Variants in SYT1 observed in about 807,000 individuals in gnomAD.
The protein encoded by SYT1 is synaptotagmin-1.
In SYT1, 8 loss-of-function variants were observed where a neutral mutation model predicts 44.8. That is an observed-to-expected ratio of 0.18 (90% confidence interval 0.10 to 0.32). The LOEUF (loss-of-function observed/expected upper bound fraction) is 0.32, where lower values mean the gene tolerates loss of function less well. Among genes scored for constraint, SYT1 ranks in the 10% least tolerant of loss-of-function variants. The probability of loss-of-function intolerance (pLI) is 1.00; values close to 1 mark genes in which losing one functional copy is unlikely to be tolerated. For missense variants in SYT1, 286 were observed against 509.3 expected (o/e 0.56, Z 4.22); for synonymous variants, 154 against 188.8 (o/e 0.82, Z 1.51).
At chr12:79,286,516 A>G (rs959708373) in intron 5 of SYT1, among the ~76,000 whole-genome samples, 4 of 152,180 alleles carry the variant, frequency 2.6e-5, no homozygotes, top group African/African-American at 9.7e-5. Flanking sequence ...AAAGAACACG[A>G]CAGGATAGAA....
At chr12:79,370,322 G>A (rs887550413) in intron 9 of SYT1, among the ~76,000 whole-genome samples, 2 of 152,138 alleles carry the variant, frequency 1.3e-5, no homozygotes, top group African/African-American at 4.8e-5. Context: ...GGACATAACT[G>A]TCTGAAAAAT....
rs1190089628 is a variant in SYT1, at chr12:79,319,321, CACA to C, written c.810+19777_810+19779del. Among the ~76,000 whole-genome samples the C allele has an allele frequency of 9.2e-5, 14 of 152,228 alleles. No individual in the cohort carries two copies. The East Asian group carries it at 1.5e-3, about 17-fold the overall frequency. On this transcript the variant is annotated intron_variant, in intron 8 of 10. Transcript: ENST00000261205. Reference sequence around the variant, plus strand: ...GTGCTCAGTGTGTAACTCATTTACTCACAACAACACTGTGGGGTAGGCGCCATT... The same window carrying C: ...GTGCTCAGTGTGTAACTCATTTACTCACAACACTGTGGGGTAGGCGCCATT...
chr12:79,117,709 AT>A lies in SYT1; in HGVS notation c.-18+70348del, dbSNP rs1565813887. On this transcript the variant is annotated intron_variant, in intron 3 of 10. Coordinates refer to ENST00000261205, the MANE Select transcript of SYT1 (RefSeq NM_005639.3). ...TATATATATATATATATATATATAT[AT>A]ATATAAAATAAATAGGTTGCATACA... 6.0e-3 allele frequency among the ~76,000 whole-genome samples: 653 copies of A among 109,248 alleles called. 10 individuals are homozygous for A. The highest frequency in any genetic ancestry group is 9.7e-3 in the Non-Finnish European group (515 of 53,270). 71.7% of individuals were successfully genotyped at this position (109,248 alleles called of 152,430 possible).
intron 1 of SYT1, among the ~76,000 whole-genome samples, chr12:78,911,944 T>C (rs1876358411): frequency 6.6e-6 from 1 of 152,024 alleles, no homozygotes; most frequent in Non-Finnish European, 1.5e-5. Context: ...TAAAAATTTG[T>C]ATTAATAGAA....
chr12:79,265,227 T>A (rs1878059607), intron 4 of SYT1, among the ~76,000 whole-genome samples: 1 of 152,166 alleles, frequency 6.6e-6, no homozygotes, highest in South Asian at 2.1e-4. Context: ...TTTATGCTTA[T>A]CTCTTCTCTC....
intron 1 of SYT1, among the ~76,000 whole-genome samples, chr12:78,894,299 G>T (rs1201584013): frequency 1.1e-5 from 1 of 94,716 alleles, no homozygotes; most frequent in African/African-American, 4.1e-5. Flanking sequence ...AATTTTACTC[G>T]GTCTTAATTT....
chr12:78,972,068 A>G (rs539764900), intron 1 of SYT1, among the ~76,000 whole-genome samples: 1 of 152,254 alleles, frequency 6.6e-6, no homozygotes, highest in South Asian at 2.1e-4. Flanking sequence ...TACAATTTGT[A>G]ATCATTTAAT....
chr12:79,274,153 A>G (rs1246980430), intron 4 of SYT1, among the ~76,000 whole-genome samples: 1 of 152,206 alleles, frequency 6.6e-6, no homozygotes, highest in Non-Finnish European at 1.5e-5. Context: ...GTGGGGATGA[A>G]CCCCGAAGGC....
intron 4 of SYT1, among the ~76,000 whole-genome samples, chr12:79,232,553 G>A (rs1875931917): frequency 6.6e-6 from 1 of 152,096 alleles, no homozygotes; most frequent in Non-Finnish European, 1.5e-5. Context: ...CTTCTAGTTA[G>A]CCTTCAGAAC....
chr12:79,439,342 C>T (rs946546142), intron 9 of SYT1, among the ~76,000 whole-genome samples: 4 of 152,196 alleles, frequency 2.6e-5, no homozygotes, highest in Non-Finnish European at 5.9e-5. Context: ...TCTCACGCTG[C>T]GAGACCACCT....
intron 5 of SYT1, 139 bp from the exon 6 acceptor site, chr12:79,291,869 T>C: frequency 1.9e-6 from 2 of 1,051,512 alleles, no homozygotes; most frequent in Non-Finnish European, 2.9e-6. Flanking sequence ...GCAGCAAATG[T>C]GAATGTGTGT....
chr12:79,161,209 C>T (rs1340768661), intron 3 of SYT1, among the ~76,000 whole-genome samples: 3 of 152,106 alleles, frequency 2.0e-5, no homozygotes, highest in African/African-American at 4.8e-5. Context: ...CACTGCAATC[C>T]AGCCTGGGCA....
intron 8 of SYT1, among the ~76,000 whole-genome samples, chr12:79,343,280 A>G (rs1262091481): frequency 6.6e-6 from 1 of 152,240 alleles, no homozygotes; most frequent in Non-Finnish European, 1.5e-5. Flanking sequence ...AATTTCTTCA[A>G]GAAATTTGGC....
chr12:78,893,596 C>T (rs746153823), intron 1 of SYT1, among the ~76,000 whole-genome samples: 1 of 151,528 alleles, frequency 6.6e-6, no homozygotes, highest in African/African-American at 2.4e-5. Context: ...GTCAAGTCTT[C>T]TATTTGAATA....
intron 2 of SYT1, among the ~76,000 whole-genome samples, chr12:79,001,208 T>C (rs1249947914): frequency 1.3e-5 from 2 of 151,942 alleles, no homozygotes. Context: ...TTTAATGGAC[T>C]AAAATGATGA....
intron 3 of SYT1, among the ~76,000 whole-genome samples, chr12:79,060,304 T>A (rs564576526): frequency 6.6e-5 from 10 of 152,112 alleles, no homozygotes; most frequent in African/African-American, 2.4e-4. Flanking sequence ...GCCATTTTTT[T>A]AATTGTGGTA....
chr12:79,073,630 T>C (rs925425774), intron 3 of SYT1, among the ~76,000 whole-genome samples: 5 of 152,066 alleles, frequency 3.3e-5, no homozygotes, highest in Non-Finnish European at 7.4e-5. Flanking sequence ...AGAAGAATGG[T>C]AGGTCTCTCC....
intron 9 of SYT1, among the ~76,000 whole-genome samples, chr12:79,388,207 G>C (rs1405881429): frequency 1.3e-5 from 2 of 152,138 alleles, no homozygotes; most frequent in East Asian, 3.9e-4. Context: ...TGTAGCTGGA[G>C]CTGGGCCAGA....
At chr12:78,917,826 A>G (rs1448622807) in intron 1 of SYT1, among the ~76,000 whole-genome samples, 1 of 152,038 alleles carries the variant, frequency 6.6e-6, no homozygotes, top group African/African-American at 2.4e-5. Flanking sequence ...TGGATAGCCT[A>G]AAACACAAAA....
Sources: allele counts gnomAD v4.1 joint callset (sites outside exome capture counted in the v4.1 genomes callset), GRCh38; gene constraint gnomAD v4.1.1; transcripts MANE v1.5; gene names NCBI Gene and HGNC (gene_info 2026-07-23, HGNC 2026-07-21).